The following XPO4 variants were observed in gnomAD, a reference collection of about 807,000 sequenced individuals.
The protein encoded by XPO4 is exportin 4.
Under a neutral mutation model 143.0 loss-of-function variants are expected in XPO4, and 39 were observed. The ratio of observed to expected loss-of-function variants is 0.27; its 90% CI spans 0.21 to 0.36. The LOEUF (loss-of-function observed/expected upper bound fraction) is 0.36. Among genes scored for constraint, XPO4 ranks in the 10% least tolerant of loss-of-function variants. XPO4 has a pLI of 1.00. For synonymous variants in XPO4, 439 were observed against 474.0 expected, an observed-to-expected ratio of 0.93 and a Z score of 0.96; for missense variants, 907 against 1,348.0, an observed-to-expected ratio of 0.67 and a Z score of 5.12.
chr13:20,842,675 ACTT>A (rs1288676779), intron 6 of XPO4, among the ~76,000 whole-genome samples: 1 of 152,178 alleles, frequency 6.6e-6, no homozygotes, highest in African/African-American at 2.4e-5. Context: ...ATGTATTCAA[ACTT>A]CTTCTACAAA....
At chr13:20,783,951 C>T (rs1439977134) in intron 22 of XPO4, 32 bp from the exon 23 acceptor site, 1 of 1,602,772 alleles carries the variant, frequency 6.2e-7, no homozygotes, top group Non-Finnish European at 8.5e-7. Flanking sequence ...CACAAGTATC[C>T]TCCTTAGAAT....
intron 13 of XPO4, among the ~76,000 whole-genome samples, chr13:20,801,532 C>T (rs1158033768): frequency 6.6e-6 from 1 of 152,172 alleles, no homozygotes; most frequent in Non-Finnish European, 1.5e-5. Context: ...TTAAATAAAA[C>T]TCTTGCTAGA....
At position 20,800,869 on chromosome 13, in the gene XPO4, T is replaced by C; in HGVS notation, c.1939A>G (p.Lys647Glu). ...TTTTCATCCACCAGGAGATAAGTCT[T>C]TGCCCAGCGTTTTAAAAACCAAACA... ...DIVWFLKRWA[K>E]TYLLVDEKLY... Residue 647 changes from lysine (K) to glutamate (E), a missense_variant, in exon 14 of 23, where the codon AAG (lysine) becomes GAG (glutamate). Lys to Glu is a moderately conservative substitution (Grantham distance 56, BLOSUM62 1). Coordinates refer to ENST00000255305, the MANE Select transcript of XPO4 (RefSeq NM_022459.5). 1 of 1,614,024 alleles carries C rather than the reference T, an allele frequency of 6.2e-7. No individual in the cohort carries two copies. The highest frequency in any genetic ancestry group is 1.7e-5 in the Admixed American group (1 of 60,028).
Position 20,779,609 on chromosome 13 carries a change from A to G in XPO4, c.*4113T>C, listed in dbSNP as rs1045568241. 1.3e-5 allele frequency: 2 copies of G among 152,612 alleles called. No homozygotes were observed. Among genetic ancestry groups the G allele is most frequent in the African/African-American group, 4.8e-5 (2 of 41,458 alleles). The allele number at this position is 152,612 out of a possible 1,614,324, so 9.5% of individuals were successfully genotyped here. The stretch of plus-strand genomic sequence containing the variant: ...GGGTAATGGGCAAGCCACACCTCCC[A>G]GTTCCTAGGAGGGAATCGCCACGGC... On this transcript the variant is annotated 3_prime_UTR_variant, in exon 23 of 23. Coordinates refer to ENST00000255305, the MANE Select transcript of XPO4 (RefSeq NM_022459.5).
At position 20,846,635 on chromosome 13, in the gene XPO4, T is replaced by A. The variant is rs1423885907; in HGVS notation, c.457-2749A>T. On this transcript the variant is annotated intron_variant, in intron 4 of 22. Transcript: ENST00000255305. ...CTTTCGTTTTTAAATAATTTTTTCATCCTACAAAAATATACTTCTATCTTA... is the reference window on the plus strand; with the variant it reads ...CTTTCGTTTTTAAATAATTTTTTCAACCTACAAAAATATACTTCTATCTTA... Among the ~76,000 whole-genome samples the A allele has an allele frequency of 2.0e-5, 3 of 152,252 alleles. No individual in the cohort carries two copies. In the East Asian group the frequency reaches 5.8e-4, roughly 29 times the overall value.
At chr13:20,800,376 G>GAAA in intron 14 of XPO4, 51 bp from the exon 15 acceptor site, 6 of 1,308,396 alleles carry the variant, frequency 4.6e-6, no homozygotes, top group Admixed American at 2.4e-5. Flanking sequence ...ATCAACTCAA[G>GAAA]AAAAAAAAAA....
rs1486855930 is a variant in XPO4 at position 20,790,449 on chromosome 13, T to C, written c.2916+13A>G. 3 of 1,593,278 alleles carry C rather than the reference T, an allele frequency of 1.9e-6. No individual in the cohort carries two copies. The highest frequency in any genetic ancestry group is 2.6e-6 in the Non-Finnish European group (3 of 1,161,030). ...CACATAGTGGTATGTTCACATTCAATTTCATTAATTACCTTCAAGAGATCC... is the reference window on the plus strand; with the variant it reads ...CACATAGTGGTATGTTCACATTCAACTTCATTAATTACCTTCAAGAGATCC... On this transcript the variant is annotated intron_variant, in intron 19 of 22. Coordinates refer to ENST00000255305, the MANE Select transcript of XPO4 (RefSeq NM_022459.5).
At chr13:20,790,609 G>A in intron 18 of XPO4, 29 bp from the exon 19 acceptor site, 1 of 1,549,606 alleles carries the variant, frequency 6.5e-7, no homozygotes, top group Non-Finnish European at 8.9e-7. Context: ...GCAGGCTTAT[G>A]GTGGTAACAT....
rs1254597749 is a variant in XPO4, at chr13:20,781,063, C to CA, written c.*2658dup. 6.6e-6 allele frequency: 1 copy of CA among 151,908 alleles called. No individual in the cohort carries two copies. The highest frequency in any genetic ancestry group is 1.5e-5 in the Non-Finnish European group (1 of 67,948). 9.4% of individuals were successfully genotyped at this position (151,908 alleles called of 1,614,324 possible). On this transcript the variant is annotated 3_prime_UTR_variant, in exon 23 of 23. Transcript: ENST00000255305. ...TATGAACAACAGAAATTTTATAAAACAAAAATCTAAAAATGAAATACTTGA... is the reference window on the plus strand; with the variant it reads ...TATGAACAACAGAAATTTTATAAAACAAAAAATCTAAAAATGAAATACTTGA...
At chr13:20,804,039 A>G (rs1365221005) in intron 13 of XPO4, among the ~76,000 whole-genome samples, 1 of 152,072 alleles carries the variant, frequency 6.6e-6, no homozygotes, top group African/African-American at 2.4e-5. Context: ...GATTCTTGCA[A>G]AATACAGTAA....
intron 9 of XPO4, among the ~76,000 whole-genome samples, chr13:20,815,588 C>G (rs1167185613): frequency 3.9e-5 from 6 of 152,164 alleles, no homozygotes; most frequent in Non-Finnish European, 8.8e-5. Context: ...AGCAACTAAT[C>G]ATCATGACAA....
At chr13:20,811,063 T>C (rs554118763) in intron 9 of XPO4, among the ~76,000 whole-genome samples, 33 of 152,230 alleles carry the variant, frequency 2.2e-4, no homozygotes, top group African/African-American at 7.7e-4. Flanking sequence ...TTTAAAAATC[T>C]ACAAAGGTCA....
intron 6 of XPO4, among the ~76,000 whole-genome samples, chr13:20,831,827 T>C (rs2059856145): frequency 6.7e-6 from 1 of 149,014 alleles, no homozygotes; most frequent in African/African-American, 2.5e-5. Context: ...TTTTTTTTTT[T>C]TGGTCTCTGT....
chr13:20,887,693 CAAAAT>C (rs978192089), intron 1 of XPO4, among the ~76,000 whole-genome samples: 41 of 150,924 alleles, frequency 2.7e-4, no homozygotes, highest in African/African-American at 9.5e-4. Flanking sequence ...CATCTCTACT[CAAAAT>C]AAAAAAATTT....
intron 22 of XPO4, among the ~76,000 whole-genome samples, chr13:20,784,418 C>T (rs75972874): frequency 2.0e-5 from 3 of 152,134 alleles, no homozygotes; most frequent in African/African-American, 4.8e-5. Flanking sequence ...GAGGACGGGG[C>T]GGAGAAATAT....
At chr13:20,788,203 C>T (rs939353465) in intron 20 of XPO4, among the ~76,000 whole-genome samples, 5 of 151,820 alleles carry the variant, frequency 3.3e-5, no homozygotes, top group African/African-American at 1.2e-4. Flanking sequence ...TCACAGGCAC[C>T]TGCCACCACG....
At chr13:20,849,755 A>T in intron 4 of XPO4, 1 of 985,134 alleles carries the variant, frequency 1.0e-6, no homozygotes, top group Non-Finnish European at 1.2e-6. Flanking sequence ...TCTTTAAGAT[A>T]CTTCTGAAAG....
rs1015213249 is a variant in XPO4 at position 20,815,338 on chromosome 13, G to A, written c.1174-5371C>T. 2.6e-5 allele frequency among the ~76,000 whole-genome samples: 4 copies of A among 152,110 alleles called. 1 individual carries two copies. Among genetic ancestry groups the A allele is most frequent in the African/African-American group, 7.2e-5 (3 of 41,408 alleles). ...TGGATGGCGATGATGTGTCAATGTC[G>A]TTTCATCAGCTGTAACAATGTACCA... On this transcript the variant is annotated intron_variant, in intron 9 of 22. Coordinates refer to ENST00000255305, the MANE Select transcript of XPO4 (RefSeq NM_022459.5).
At chr13:20,872,812 G>T (rs2060312623) in intron 1 of XPO4, among the ~76,000 whole-genome samples, 1 of 151,846 alleles carries the variant, frequency 6.6e-6, no homozygotes, top group South Asian at 2.1e-4. Context: ...TCAAATTTAT[G>T]TAAGACTCAT....
Sources: allele counts gnomAD v4.1 joint callset (sites outside exome capture counted in the v4.1 genomes callset), GRCh38; gene constraint gnomAD v4.1.1; transcripts MANE v1.5; gene names NCBI Gene and HGNC (gene_info 2026-07-23, HGNC 2026-07-21).